The following KLRG1 variants were observed in gnomAD, a reference collection of about 807,000 sequenced individuals.
KLRG1 encodes killer cell lectin-like receptor subfamily G member 1.
KLRG1 carries 16 observed loss-of-function variants against 21.8 expected under a neutral mutation model. The observed-to-expected ratio is 0.73, with a 90% CI of 0.50 to 1.11. The LOEUF is 1.11. KLRG1 is among the 50% of genes most tolerant of loss of function. The pLI is 0.00. For missense variants in KLRG1, 173 were observed against 218.3 expected (o/e 0.79, Z 1.31); for synonymous variants, 69 against 75.9 (o/e 0.91, Z 0.47).
chr12:9,078,543 T>G, the KLRG1 span, among the ~76,000 whole-genome samples: 52 of 152,346 alleles, frequency 3.4e-4, no homozygotes, highest in Non-Finnish European at 6.6e-4. Context: ...TATATTCCTT[T>G]GGGTATATAC....
the KLRG1 span, chr12:9,036,815 C>A: frequency 2.4e-6 from 1 of 418,758 alleles, no homozygotes; most frequent in Non-Finnish European, 4.8e-6. Context: ...TCTTTGGTTA[C>A]GAGGGCTGGC....
chr12:8,962,928 A>C (rs764884760), intron 1 of KLRG1, among the ~76,000 whole-genome samples: 1 of 152,242 alleles, frequency 6.6e-6, no homozygotes, highest in Admixed American at 6.5e-5. Context: ...AAAACTAAAA[A>C]CTCATAGATC....
chr12:9,143,666 A>C, the KLRG1 span, among the ~76,000 whole-genome samples: 288 of 152,286 alleles, frequency 1.9e-3, 1 homozygote, highest in African/African-American at 6.6e-3. Context: ...AAGGTCCCTG[A>C]GAATTTGAAA....
At chr12:9,070,563 G>A in the KLRG1 span, 5 of 1,613,590 alleles carry the variant, frequency 3.1e-6, no homozygotes, top group Non-Finnish European at 4.2e-6. Flanking sequence ...TGGAGGCAGA[G>A]CGGCTCCCTG....
At chr12:9,182,160 C>T in the KLRG1 span, 1 of 1,571,824 alleles carries the variant, frequency 6.4e-7, no homozygotes, top group Non-Finnish European at 8.7e-7. Context: ...ATAAGTGAGA[C>T]AAAAAGGTCA....
At chr12:9,107,682 A>G in the KLRG1 span, 3 of 1,608,282 alleles carry the variant, frequency 1.9e-6, no homozygotes, top group Non-Finnish European at 2.6e-6. Flanking sequence ...CAGAGCAGAC[A>G]CTGAACCTCC....
chr12:9,144,596 C>T, the KLRG1 span, among the ~76,000 whole-genome samples: 1 of 152,152 alleles, frequency 6.6e-6, no homozygotes, highest in Non-Finnish European at 1.5e-5. Flanking sequence ...GAGAATAAAC[C>T]TGAGAGGGGC....
the KLRG1 span, among the ~76,000 whole-genome samples, chr12:9,207,336 A>G: frequency 3.7e-4 from 57 of 152,324 alleles, no homozygotes; most frequent in African/African-American, 1.2e-3. Context: ...CCTATGTGCT[A>G]TTATTGGACC....
chr12:9,215,463 G>C, the KLRG1 span, among the ~76,000 whole-genome samples: 1 of 151,792 alleles, frequency 6.6e-6, no homozygotes, highest in African/African-American at 2.4e-5. Context: ...TTTTAATTAC[G>C]TTTTTAATAA....
At chr12:9,140,951 G>T in the KLRG1 span, among the ~76,000 whole-genome samples, 3 of 152,256 alleles carry the variant, frequency 2.0e-5, no homozygotes, top group East Asian at 3.9e-4. Flanking sequence ...AAATAAAACA[G>T]ATTCTTATTG....
chr12:8,957,046 C>G (rs1380770258), intron 1 of KLRG1, among the ~76,000 whole-genome samples: 1 of 152,162 alleles, frequency 6.6e-6, no homozygotes, highest in Non-Finnish European at 1.5e-5. Flanking sequence ...TGAGCAGGGC[C>G]CCCCCGGCCG....
the KLRG1 span, among the ~76,000 whole-genome samples, chr12:9,198,180 C>G: frequency 3.3e-5 from 5 of 151,502 alleles, no homozygotes; most frequent in African/African-American, 9.7e-5. Context: ...AGGACCCAAT[C>G]TCTACAAGCT....
the KLRG1 span, chr12:9,116,116 G>GT: frequency 2.3e-6 from 1 of 431,682 alleles, no homozygotes; most frequent in Admixed American, 3.3e-5. Context: ...TCCCATTCCC[G>GT]TAAGAGCTCA....
the KLRG1 span, among the ~76,000 whole-genome samples, chr12:9,083,157 G>A: frequency 1.5e-4 from 23 of 152,046 alleles, no homozygotes; most frequent in East Asian, 1.2e-3. Context: ...AACAAACACC[G>A]CATGTTCTCA....
the KLRG1 span, among the ~76,000 whole-genome samples, chr12:9,043,608 T>C: frequency 6.6e-6 from 1 of 152,244 alleles, no homozygotes; most frequent in Non-Finnish European, 1.5e-5. Flanking sequence ...CATAACAATG[T>C]GTGTTTCCAA....
chr12:9,037,908 A>G, the KLRG1 span, among the ~76,000 whole-genome samples: 1 of 152,192 alleles, frequency 6.6e-6, no homozygotes, highest in African/African-American at 2.4e-5. Flanking sequence ...CCTTTGCACA[A>G]AAACAAAGTT....
chr12:9,157,632 A>C, the KLRG1 span: 1 of 822,758 alleles, frequency 1.2e-6, no homozygotes, highest in African/African-American at 1.7e-5. Flanking sequence ...TGCATCAACC[A>C]AAGAGCTTAT....
the KLRG1 span, chr12:9,111,390 C>T: frequency 8.1e-6 from 3 of 369,990 alleles, no homozygotes; most frequent in South Asian, 4.3e-5. Flanking sequence ...TGTGGTGCCT[C>T]ATTTTAGACA....
At chr12:9,118,445 A>T in the KLRG1 span, among the ~76,000 whole-genome samples, 1 of 152,158 alleles carries the variant, frequency 6.6e-6, no homozygotes, top group Non-Finnish European at 1.5e-5. Flanking sequence ...CTGACTAGTG[A>T]TAGGTACTGC....
Sources: gnomAD v4.1 joint callset for allele counts (sites outside exome capture counted in the v4.1 genomes callset) on GRCh38, gnomAD v4.1.1 for gene constraint, MANE v1.5 for transcripts, NCBI Gene and HGNC (gene_info 2026-07-23, HGNC 2026-07-21) for gene names.